The following CCSER1 variants were observed in gnomAD, a reference collection of about 807,000 sequenced individuals.
The protein encoded by CCSER1 is coiled-coil serine rich protein 1.
CCSER1 carries 41 observed loss-of-function variants against 82.0 expected under a neutral mutation model. The observed-to-expected ratio is 0.50, with a 90% CI of 0.39 to 0.65. The LOEUF is 0.65. Among genes scored for constraint, CCSER1 ranks in the 30% least tolerant of loss-of-function variants. The probability of loss-of-function intolerance (pLI) is 0.00; values close to 1 mark genes in which losing one functional copy is unlikely to be tolerated. For missense variants in CCSER1, 1,119 were observed against 1,064.2 expected (o/e 1.05, Z -0.72); for synonymous variants, 414 against 383.9 (o/e 1.08, Z -0.92).
chr4:91,126,756 T>C (rs1337333027), intron 10 of CCSER1, among the ~76,000 whole-genome samples: 2 of 152,024 alleles, frequency 1.3e-5, no homozygotes, highest in Non-Finnish European at 1.5e-5. Flanking sequence ...GCAACTATTC[T>C]GTCACAAGTT....
chr4:90,910,590 G>C (rs570098319), intron 8 of CCSER1, among the ~76,000 whole-genome samples: 60 of 152,268 alleles, frequency 3.9e-4, no homozygotes, highest in African/African-American at 1.4e-3. Context: ...AAAATCACCT[G>C]CAATCTGCTC....
At chr4:90,511,929 G>A (rs1250727447) in intron 5 of CCSER1, among the ~76,000 whole-genome samples, 1 of 152,090 alleles carries the variant, frequency 6.6e-6, no homozygotes, top group East Asian at 1.9e-4. Flanking sequence ...TGGTGGGTTT[G>A]AGAAAGTTTT....
At chr4:91,186,631 G>A (rs1431551358) in intron 10 of CCSER1, among the ~76,000 whole-genome samples, 1 of 152,202 alleles carries the variant, frequency 6.6e-6, no homozygotes, top group Admixed American at 6.5e-5. Context: ...AACCTTCAGA[G>A]CTGAGAGCCC....
intron 3 of CCSER1, among the ~76,000 whole-genome samples, chr4:90,380,361 T>C (rs72883335): frequency 0.02 from 2,976 of 152,264 alleles, 72 homozygotes; most frequent in African/African-American, 0.061. Context: ...TTTTGATAAA[T>C]CCTAAAAAGT....
intron 3 of CCSER1, among the ~76,000 whole-genome samples, chr4:90,355,991 A>G (rs1744308886): frequency 6.6e-6 from 1 of 151,910 alleles, no homozygotes; most frequent in African/African-American, 2.4e-5. Context: ...CATTGTCTTA[A>G]TTGGCCAACT....
intron 3 of CCSER1, among the ~76,000 whole-genome samples, chr4:90,366,813 G>A (rs1009915275): frequency 3.5e-4 from 53 of 151,924 alleles, no homozygotes; most frequent in African/African-American, 1.3e-3. Context: ...TAAATAAGTG[G>A]ATATTCTTAG....
chr4:91,431,131 C>G (rs937391412), intron 10 of CCSER1, among the ~76,000 whole-genome samples: 7 of 151,988 alleles, frequency 4.6e-5, no homozygotes, highest in South Asian at 2.1e-4. Context: ...AGCTACTCGG[C>G]AGGCTGAGGC....
intron 4 of CCSER1, among the ~76,000 whole-genome samples, chr4:90,408,735 C>G (rs1279881597): frequency 1.3e-5 from 2 of 152,218 alleles, no homozygotes; most frequent in Admixed American, 6.5e-5. Flanking sequence ...CTCTCCTCCT[C>G]CAAAGGAATG....
At chr4:90,427,800 G>C (rs1378321000) in intron 4 of CCSER1, among the ~76,000 whole-genome samples, 2 of 151,446 alleles carry the variant, frequency 1.3e-5, no homozygotes, top group African/African-American at 2.4e-5. Flanking sequence ...GAACTTAAAG[G>C]CATGATGAAA....
rs1211438238 is a variant in CCSER1 at position 90,265,762 on chromosome 4, C to T, written c.-41-42482C>T. Among the ~76,000 whole-genome samples the T allele has an allele frequency of 3.3e-5, 5 of 152,126 alleles. No individual in the cohort carries two copies. In the East Asian group the frequency reaches 9.6e-4, roughly 29 times the overall value. ...GATAAGAACCTCTTTTATAGTACTTCTGTAAGAGAAATAAATTGGTCATAA... is the reference window on the plus strand; with the variant it reads ...GATAAGAACCTCTTTTATAGTACTTTTGTAAGAGAAATAAATTGGTCATAA... On this transcript the variant is annotated intron_variant, in intron 1 of 10. Transcript: ENST00000509176.
intron 10 of CCSER1, among the ~76,000 whole-genome samples, chr4:91,114,322 G>C (rs891624160): frequency 6.6e-6 from 1 of 152,058 alleles, no homozygotes; most frequent in Non-Finnish European, 1.5e-5. Context: ...GGAATCCAAA[G>C]AGCATCTATA....
intron 5 of CCSER1, among the ~76,000 whole-genome samples, chr4:90,518,817 A>C (rs1046610415): frequency 3.3e-5 from 5 of 151,904 alleles, no homozygotes; most frequent in African/African-American, 1.2e-4. Flanking sequence ...ATATAAGGAT[A>C]TATAGATAGG....
intron 5 of CCSER1, among the ~76,000 whole-genome samples, chr4:90,598,932 C>T (rs752467625): frequency 5.7e-4 from 87 of 152,226 alleles, no homozygotes; most frequent in Admixed American, 9.2e-4. Context: ...GCAAAACCTC[C>T]GGGATGAAGG....
At chr4:90,300,766 T>C (rs557141396) in intron 1 of CCSER1, among the ~76,000 whole-genome samples, 4 of 152,212 alleles carry the variant, frequency 2.6e-5, no homozygotes, top group Non-Finnish European at 5.9e-5. Flanking sequence ...GATACAGCTC[T>C]GAAACCCTGC....
At chr4:91,021,596 A>T (rs1739972429) in intron 9 of CCSER1, among the ~76,000 whole-genome samples, 1 of 152,130 alleles carries the variant, frequency 6.6e-6, no homozygotes, top group Non-Finnish European at 1.5e-5. Context: ...TGTCTTTTTC[A>T]ATAGAAATAT....
intron 10 of CCSER1, among the ~76,000 whole-genome samples, chr4:91,486,396 A>G (rs1758221920): frequency 6.6e-6 from 1 of 152,012 alleles, no homozygotes; most frequent in Admixed American, 6.6e-5. Context: ...TTTTTGAAAT[A>G]TTACAATGCC....
intron 9 of CCSER1, among the ~76,000 whole-genome samples, chr4:91,061,838 C>T (rs1466643895): frequency 6.6e-6 from 1 of 151,726 alleles, no homozygotes. Context: ...TAGACAAGTC[C>T]CTAGAACATG....
chr4:91,374,607 CAAG>C (rs1750269358), intron 10 of CCSER1, among the ~76,000 whole-genome samples: 1 of 152,184 alleles, frequency 6.6e-6, no homozygotes, highest in South Asian at 2.1e-4. Flanking sequence ...TGGAAATGAA[CAAG>C]AAGATTAATG....
At chr4:91,159,051 A>C (rs1343120311) in intron 10 of CCSER1, among the ~76,000 whole-genome samples, 6 of 151,946 alleles carry the variant, frequency 3.9e-5, no homozygotes, top group Admixed American at 3.9e-4. Flanking sequence ...CCCCTCCTTA[A>C]GATTTCCAGT....
Sources: allele counts gnomAD v4.1 joint callset (sites outside exome capture counted in the v4.1 genomes callset), GRCh38; gene constraint gnomAD v4.1.1; transcripts MANE v1.5; gene names NCBI Gene and HGNC (gene_info 2026-07-23, HGNC 2026-07-21).